Variants in KIAA1549 observed in about 807,000 individuals in gnomAD.
The protein encoded by KIAA1549 is UPF0606 protein KIAA1549.
A neutral mutation model predicts 156.4 loss-of-function variants in KIAA1549; 70 were observed. That is an observed-to-expected ratio of 0.45 (90% CI 0.37 to 0.55). The LOEUF is 0.55. KIAA1549 is among the 20% of genes least tolerant of loss of function. The pLI is 0.00. For synonymous variants in KIAA1549, 1,103 were observed against 1,066.4 expected (o/e 1.03, Z -0.67); for missense variants, 2,428 against 2,540.9 (o/e 0.96, Z 0.96).
Position 138,836,844 on chromosome 7 carries a change from G to A in KIAA1549, c.*1062C>T, listed in dbSNP as rs944210917. 4.4e-6 allele frequency: 1 copy of A among 225,570 alleles called. No homozygotes were observed. The highest frequency in any genetic ancestry group is 8.8e-6 in the Non-Finnish European group (1 of 113,442). The allele number at this position is 225,570 out of a possible 1,614,324, so 14.0% of individuals were successfully genotyped here. ...GAACTGAACTCAATTTCATTTCCAG[G>A]CTCTGAACACAGGGAATGTGACTGG... is the stretch of plus-strand genomic sequence containing the variant. On this transcript the variant is annotated 3_prime_UTR_variant, in exon 20 of 20. Transcript: ENST00000422774.
chr7:138,927,922 C>CTTTTT (rs1200610758), intron 1 of KIAA1549, among the ~76,000 whole-genome samples: 1 of 139,176 alleles, frequency 7.2e-6, no homozygotes. Context: ...ATTGTCTTGT[C>CTTTTT]TTTTTTTTTT....
At chr7:138,976,283 G>T (rs746332173) in intron 1 of KIAA1549, among the ~76,000 whole-genome samples, 1 of 152,078 alleles carries the variant, frequency 6.6e-6, no homozygotes, top group Non-Finnish European at 1.5e-5. Context: ...CACCATGTTG[G>T]CCAGGCTGGT....
chr7:138,924,657 C>T (rs1563080363), intron 1 of KIAA1549, among the ~76,000 whole-genome samples: 1 of 151,784 alleles, frequency 6.6e-6, no homozygotes, highest in Non-Finnish European at 1.5e-5. Context: ...AGCTGGGATG[C>T]TTTTTTTTCT....
chr7:138,840,228 C>T lies in KIAA1549; in HGVS notation c.5503G>A (p.Ala1835Thr). 1 of 1,586,908 alleles carries T rather than the reference C, an allele frequency of 6.3e-7. No homozygotes were observed. Among genetic ancestry groups the T allele is most frequent in the East Asian group, 2.3e-5 (1 of 43,706 alleles). ...CTTGGCGGGATTTCCACTGGCTGAG[C>T]TCCAATTCTGCTGGCAATCCCCACC... ...TQVGIASRIGAQPVEIPPSRG... is the reference protein window; with the variant it reads ...TQVGIASRIGTQPVEIPPSRG... Residue 1835 changes from alanine to threonine, a missense_variant, in exon 19 of 20, where the codon GCT becomes ACT. Transcript: ENST00000422774.
At chr7:138,913,154 G>A (rs937421608) in intron 2 of KIAA1549, among the ~76,000 whole-genome samples, 2 of 152,078 alleles carry the variant, frequency 1.3e-5, no homozygotes, top group Admixed American at 6.6e-5. Flanking sequence ...GATTATAGAC[G>A]TGAGCCACCG....
In KIAA1549 at chr7:138,838,474, C is replaced by A. The variant is rs145772164; in HGVS notation, c.5599-314G>T. On this transcript the variant is annotated intron_variant, in intron 19 of 19. Coordinates refer to ENST00000422774, the MANE Select transcript of KIAA1549 (RefSeq NM_001164665.2). ...CCTCTGCCCTGGACTGGAGCCTACG[C>A]AACCATCTTCTGCTTTATCTAGCTG... 5.3e-5 allele frequency among the ~76,000 whole-genome samples: 8 copies of A among 152,254 alleles called. No homozygotes were observed. In the East Asian group the frequency reaches 1.4e-3, roughly 26 times the overall value.
At chr7:138,924,193 T>C (rs988018573) in intron 1 of KIAA1549, among the ~76,000 whole-genome samples, 118 of 148,010 alleles carry the variant, frequency 8.0e-4, no homozygotes, top group East Asian at 3.9e-3. Flanking sequence ...TTTTTTTTTT[T>C]TCTTTTTTTT....
chr7:138,882,773 G>A (rs1253149864), intron 10 of KIAA1549, among the ~76,000 whole-genome samples: 1 of 151,944 alleles, frequency 6.6e-6, no homozygotes, highest in Non-Finnish European at 1.5e-5. Flanking sequence ...AGAAGTAATG[G>A]GGCACAAAAC....
At chr7:138,937,290 C>T (rs573116547) in intron 1 of KIAA1549, among the ~76,000 whole-genome samples, 69 of 152,296 alleles carry the variant, frequency 4.5e-4, no homozygotes, top group African/African-American at 1.3e-3. Context: ...TCTTGATTTA[C>T]TCATTACTCA....
chr7:138,913,332 T>A (rs552991028), intron 2 of KIAA1549, among the ~76,000 whole-genome samples: 1 of 152,352 alleles, frequency 6.6e-6, no homozygotes, highest in Non-Finnish European at 1.5e-5. Flanking sequence ...TCCCACATAT[T>A]AAAATTTTAT....
chr7:138,919,727 C>T (rs934659862), intron 1 of KIAA1549, among the ~76,000 whole-genome samples: 1 of 151,948 alleles, frequency 6.6e-6, no homozygotes, highest in African/African-American at 2.4e-5. Flanking sequence ...CCGTAGGATA[C>T]TGGAAACAGA....
intron 1 of KIAA1549, among the ~76,000 whole-genome samples, chr7:138,956,903 C>G (rs576477869): frequency 6.9e-6 from 1 of 145,734 alleles, no homozygotes; most frequent in Non-Finnish European, 1.5e-5. Context: ...CTCTGCCAGG[C>G]CCAGTGCCAG....
chr7:138,923,730 T>C (rs2354338), intron 1 of KIAA1549, among the ~76,000 whole-genome samples: 73,314 of 152,104 alleles, frequency 0.48, 20,333 homozygotes, highest in African/African-American at 0.78. Context: ...AAGTTATGCA[T>C]AGAAGCTATA....
chr7:138,908,881 TG>T, intron 5 of KIAA1549, 109 bp downstream of exon 5: 1 of 1,320,766 alleles, frequency 7.6e-7, no homozygotes, highest in Non-Finnish European at 1.1e-6. Context: ...TCACATAAAC[TG>T]GGTTTCCGCC....
At chr7:138,955,760 T>C (rs1361943044) in intron 1 of KIAA1549, among the ~76,000 whole-genome samples, 13 of 152,226 alleles carry the variant, frequency 8.5e-5, no homozygotes, top group Non-Finnish European at 2.9e-5. Flanking sequence ...AAGATGATTA[T>C]TTTCTACTAA....
At chr7:138,957,830 T>C (rs1343807504) in intron 1 of KIAA1549, among the ~76,000 whole-genome samples, 2 of 152,142 alleles carry the variant, frequency 1.3e-5, no homozygotes, top group Non-Finnish European at 2.9e-5. Flanking sequence ...CAGGGTCACT[T>C]GCTGCCACCT....
intron 17 of KIAA1549, among the ~76,000 whole-genome samples, chr7:138,849,723 T>C (rs999001943): frequency 6.6e-6 from 1 of 152,194 alleles, no homozygotes; most frequent in African/African-American, 2.4e-5. Context: ...TCCCACCCTC[T>C]ACCCTCAAGT....
At chr7:138,943,640 G>C (rs531151232) in intron 1 of KIAA1549, among the ~76,000 whole-genome samples, 1 of 152,258 alleles carries the variant, frequency 6.6e-6, no homozygotes, top group South Asian at 2.1e-4. Context: ...ACAAGGTCAG[G>C]AGATCGAGAC....
chr7:138,895,866 A>G (rs1217414874), intron 9 of KIAA1549, among the ~76,000 whole-genome samples: 1 of 152,066 alleles, frequency 6.6e-6, no homozygotes, highest in East Asian at 1.9e-4. Context: ...CCTTTGAAAC[A>G]TGACTCATCG....
Sources: gnomAD v4.1 joint callset for allele counts (sites outside exome capture counted in the v4.1 genomes callset) on GRCh38, gnomAD v4.1.1 for gene constraint, MANE v1.5 for transcripts, NCBI Gene and HGNC (gene_info 2026-07-23, HGNC 2026-07-21) for gene names.